CUX1: variants seen among roughly 807,000 people sequenced by gnomAD.
CUX1 encodes protein CASP.
CUX1 carries 31 observed loss-of-function variants against 158.8 expected under a neutral mutation model. That is an observed-to-expected ratio of 0.20 (90% CI 0.15 to 0.26). The LOEUF (loss-of-function observed/expected upper bound fraction) is 0.26, where lower values mean the gene tolerates loss of function less well. Ranked by LOEUF, CUX1 falls within the 10% of genes least tolerant of loss-of-function variation. The pLI is 1.00. For synonymous variants in CUX1, 879 were observed against 862.1 expected (o/e 1.02, Z -0.34); for missense variants, 1,589 against 2,014.6 (o/e 0.79, Z 4.04).
chr7:102,113,355 C>G (rs1400204203), intron 7 of CUX1, among the ~76,000 whole-genome samples: 3 of 152,022 alleles, frequency 2.0e-5, no homozygotes, highest in Non-Finnish European at 4.4e-5. Flanking sequence ...TCTTCTGCCC[C>G]AGGTTCAAGT....
chr7:101,922,143 A>G (rs1805025559), intron 2 of CUX1, among the ~76,000 whole-genome samples: 1 of 152,208 alleles, frequency 6.6e-6, no homozygotes, highest in South Asian at 2.1e-4. Flanking sequence ...GTTTGTAATA[A>G]CAATTAATCA....
intron 12 of CUX1, among the ~76,000 whole-genome samples, chr7:102,192,719 G>A (rs1284159883): frequency 2.0e-5 from 3 of 152,138 alleles, no homozygotes; most frequent in Non-Finnish European, 2.9e-5. Flanking sequence ...ACATGGCGAA[G>A]GTCCGGTTGA....
At chr7:102,258,912 G>A (rs546487579), downstream of CUX1, among the ~76,000 whole-genome samples, 7 of 152,270 alleles carry the variant, frequency 4.6e-5, no homozygotes, top group Admixed American at 1.3e-4. Flanking sequence ...GGCTGGAGGT[G>A]GGGGGAGAGC....
intron 20 of CUX1, among the ~76,000 whole-genome samples, chr7:102,226,622 T>G (rs1420979380): frequency 7.8e-6 from 1 of 128,178 alleles, no homozygotes; most frequent in Non-Finnish European, 1.7e-5. Context: ...GTTTCCGCAG[T>G]TGTTGTTTTT....
At chr7:101,854,299 G>C (rs765167200) in intron 1 of CUX1, among the ~76,000 whole-genome samples, 1 of 152,166 alleles carries the variant, frequency 6.6e-6, no homozygotes, top group South Asian at 2.1e-4. Flanking sequence ...GCTGCCAGCG[G>C]GTAACATATG....
At chr7:102,038,550 A>G (rs1487324422) in intron 3 of CUX1, among the ~76,000 whole-genome samples, 2 of 152,216 alleles carry the variant, frequency 1.3e-5, no homozygotes, top group African/African-American at 4.8e-5. Flanking sequence ...TAAAAAGTCA[A>G]GTTAGGAGCA....
chr7:102,247,856 C>T (rs537593414), intron 23 of CUX1, among the ~76,000 whole-genome samples: 10 of 151,572 alleles, frequency 6.6e-5, no homozygotes, highest in South Asian at 2.1e-4. Context: ...AGTGGCCGGA[C>T]GCAGTGGCTC....
intron 1 of CUX1, among the ~76,000 whole-genome samples, chr7:101,848,709 A>G (rs990904413): frequency 2.0e-5 from 3 of 152,008 alleles, no homozygotes; most frequent in African/African-American, 7.2e-5. Flanking sequence ...TTAAGTGCAC[A>G]GCAAACAGAA....
exon 16 of CUX1, chr7:102,274,273 C>T (rs1554547097): frequency 1.2e-6 from 2 of 1,613,540 alleles, no homozygotes; most frequent in African/African-American, 2.7e-5. Flanking sequence ...TGGAGAAGAT[C>T]CCAGAGCCCA....
rs782128733 is a variant in CUX1 at position 102,111,767 on chromosome 7, A to T, written c.600A>T (p.Leu200=). ...AAGCTGAGCATAAGGTTCAGAGCCT[A>T]CAAACAGGTTTGATACTCTCCTTCC... ...LEEAEHKVQS[L]QTALEKTRTE... Residue 200 remains leucine, a synonymous_variant, in exon 7 of 24, where the codon CTA becomes CTT. Coordinates refer to ENST00000292535, the MANE Select transcript of CUX1 (RefSeq NM_181552.4). The T allele has an allele frequency of 1.7e-5, 27 of 1,614,026 alleles. No homozygotes were observed. In the South Asian group the frequency reaches 2.9e-4, roughly 17 times the overall value.
At chr7:101,900,263 T>C (rs558758723) in intron 1 of CUX1, among the ~76,000 whole-genome samples, 2 of 152,244 alleles carry the variant, frequency 1.3e-5, no homozygotes, top group South Asian at 4.1e-4. Flanking sequence ...CCAGGAGCTG[T>C]CATGTAGTGT....
chr7:102,032,747 A>G (rs567188312), intron 3 of CUX1, among the ~76,000 whole-genome samples: 3 of 152,368 alleles, frequency 2.0e-5, no homozygotes, highest in African/African-American at 4.8e-5. Flanking sequence ...ACAAAATCAT[A>G]AAATGTAACT....
chr7:101,969,359 CAAAAAAAAA>C (rs10711703), intron 2 of CUX1, among the ~76,000 whole-genome samples: 1 of 56,118 alleles, frequency 1.8e-5, no homozygotes, highest in East Asian at 7.0e-4. Context: ...CAAAAAACAG[CAAAAAAAAA>C]AAAAAAAAAA....
At chr7:102,278,650 AAAATAAAAAAATAAAATAAAAT>A (rs1298530533) in intron 18 of CUX1, among the ~76,000 whole-genome samples, 2 of 41,508 alleles carry the variant, frequency 4.8e-5, no homozygotes, top group Admixed American at 3.3e-4. Flanking sequence ...AAAATAAAAT[AAAATAAAAAAATAAAATAAAAT>A]ATAAAATAAA....
chr7:101,911,612 A>T (rs1366045457), intron 1 of CUX1, among the ~76,000 whole-genome samples: 6 of 150,988 alleles, frequency 4.0e-5, no homozygotes, highest in Non-Finnish European at 4.4e-5. Context: ...GGATGACCTG[A>T]GCCTTGGCGT....
chr7:101,895,893 TTTTTTTTTGTTTTTG>T (rs1367668033), intron 1 of CUX1, among the ~76,000 whole-genome samples: 2 of 69,122 alleles, frequency 2.9e-5, no homozygotes, highest in Admixed American at 1.6e-4. Context: ...CCTGTAAAGT[TTTTTTTTTGTTTTTG>T]TTTTTTTTTT....
chr7:102,166,792 A>AT (rs1344631832), intron 9 of CUX1, among the ~76,000 whole-genome samples: 2 of 151,738 alleles, frequency 1.3e-5, no homozygotes, highest in Admixed American at 6.6e-5. Context: ...TGAGTTTTGT[A>AT]TTTTTTTTCG....
chr7:102,123,031 G>A (rs1554493949), intron 8 of CUX1, among the ~76,000 whole-genome samples: 1 of 152,088 alleles, frequency 6.6e-6, no homozygotes, highest in Non-Finnish European at 1.5e-5. Flanking sequence ...AGAAGTTCAA[G>A]ACCAGACCAG....
intron 2 of CUX1, among the ~76,000 whole-genome samples, chr7:102,027,664 T>C (rs549389030): frequency 1.3e-5 from 2 of 152,178 alleles, no homozygotes; most frequent in African/African-American, 4.8e-5. Context: ...AGTTTGACCC[T>C]CGCCTGGACG....
Sources: allele counts gnomAD v4.1 joint callset (sites outside exome capture counted in the v4.1 genomes callset), GRCh38; gene constraint gnomAD v4.1.1; transcripts MANE v1.5; gene names NCBI Gene and HGNC (gene_info 2026-07-23, HGNC 2026-07-21).